RASAL2: variants seen among roughly 807,000 people sequenced by gnomAD.
RASAL2 encodes the protein ras GTPase-activating protein nGAP.
RASAL2 carries 58 observed loss-of-function variants against 128.9 expected under a neutral mutation model. The observed-to-expected ratio is 0.45, with a 90% CI of 0.36 to 0.56. The LOEUF is 0.56. RASAL2 is among the 20% of genes least tolerant of loss of function. The pLI, the probability that RASAL2 is intolerant of heterozygous loss-of-function variation, is 0.00. For missense variants in RASAL2, 1,360 were observed against 1,601.6 expected (o/e 0.85, Z 2.57); for synonymous variants, 561 against 580.8 (o/e 0.97, Z 0.49).
rs560583629 is a variant in RASAL2 at position 178,347,591 on chromosome 1, G to A, written c.458-42509G>A. Among the ~76,000 whole-genome samples, 3 of 152,162 alleles carry A rather than the reference G, an allele frequency of 2.0e-5. No individual in the cohort carries two copies. In the East Asian group the frequency reaches 5.8e-4, roughly 29 times the overall value. ...AGCTATTGTTAGTCATCAGGGAAATGCAAATTTAAACCAAAATAGGATTAC... is the reference window on the plus strand; with the variant it reads ...AGCTATTGTTAGTCATCAGGGAAATACAAATTTAAACCAAAATAGGATTAC... On this transcript the variant is annotated intron_variant, in intron 3 of 17. Transcript: ENST00000367649.
chr1:178,379,969 C>T (rs1324571418), intron 3 of RASAL2, among the ~76,000 whole-genome samples: 1 of 152,220 alleles, frequency 6.6e-6, no homozygotes, highest in East Asian at 1.9e-4. Flanking sequence ...TCTTCCACCT[C>T]AGCGCCTTGC....
intron 1 of RASAL2, among the ~76,000 whole-genome samples, chr1:178,125,917 A>G (rs1009495369): frequency 1.3e-5 from 2 of 152,192 alleles, no homozygotes; most frequent in Non-Finnish European, 1.5e-5. Flanking sequence ...TTTTTGGCCA[A>G]TTGGCAGATA....
intron 7 of RASAL2, 140 bp from the exon 8 acceptor site, chr1:178,442,535 A>G: frequency 1.6e-6 from 1 of 641,508 alleles, no homozygotes; most frequent in Admixed American, 3.0e-5. Context: ...CTGTTAACCT[A>G]AGCAATGAGA....
intron 3 of RASAL2, chr1:178,372,088 G>T: frequency 1.2e-6 from 1 of 846,218 alleles, no homozygotes; most frequent in Non-Finnish European, 1.4e-6. Flanking sequence ...ACAGAATTCA[G>T]AGTGGAGGGA....
chr1:178,375,830 G>A (rs988479231), intron 3 of RASAL2, among the ~76,000 whole-genome samples: 11 of 152,110 alleles, frequency 7.2e-5, no homozygotes, highest in African/African-American at 2.7e-4. Context: ...GAAGATGGGA[G>A]TTCTGTTTAG....
At chr1:178,393,647 GT>G (rs912416792) in intron 4 of RASAL2, among the ~76,000 whole-genome samples, 3 of 152,180 alleles carry the variant, frequency 2.0e-5, no homozygotes, top group Non-Finnish European at 4.4e-5. Flanking sequence ...CTATAGGAGA[GT>G]TTCTTCCTTC....
At chr1:178,218,511 A>G (rs1571648343) in intron 1 of RASAL2, among the ~76,000 whole-genome samples, 1 of 152,118 alleles carries the variant, frequency 6.6e-6, no homozygotes, top group Admixed American at 6.6e-5. Context: ...ACATGGTGAA[A>G]CCCCTTCTCT....
intron 3 of RASAL2, among the ~76,000 whole-genome samples, chr1:178,351,500 G>A (rs1046995838): frequency 2.0e-5 from 3 of 152,140 alleles, no homozygotes; most frequent in Admixed American, 2.0e-4. Context: ...GGGAGGCCAA[G>A]GTGGGCGGAT....
chr1:178,233,272 A>T (rs1192576362), intron 1 of RASAL2, among the ~76,000 whole-genome samples: 1 of 152,226 alleles, frequency 6.6e-6, no homozygotes, highest in African/African-American at 2.4e-5. Context: ...AGAGACTGTT[A>T]AAGACTGGAG....
chr1:178,333,760 A>C (rs1044760824), intron 3 of RASAL2, among the ~76,000 whole-genome samples: 2 of 152,248 alleles, frequency 1.3e-5, no homozygotes, highest in Non-Finnish European at 2.9e-5. Flanking sequence ...ATTCTTGACT[A>C]TACTAAAAAA....
At chr1:178,197,504 G>C (rs1662700259) in intron 1 of RASAL2, among the ~76,000 whole-genome samples, 1 of 151,608 alleles carries the variant, frequency 6.6e-6, no homozygotes, top group South Asian at 2.1e-4. Context: ...AGCTACTCGG[G>C]AGGCTGAGGC....
chr1:178,396,870 T>C (rs1673269430), intron 4 of RASAL2, among the ~76,000 whole-genome samples: 1 of 148,562 alleles, frequency 6.7e-6, no homozygotes, highest in Admixed American at 6.7e-5. Flanking sequence ...TAGATGTTTC[T>C]CCAAAGAAAA....
At chr1:178,295,129 A>G (rs1667433544) in intron 2 of RASAL2, among the ~76,000 whole-genome samples, 1 of 152,132 alleles carries the variant, frequency 6.6e-6, no homozygotes, top group Non-Finnish European at 1.5e-5. Flanking sequence ...ACTGGTAGCC[A>G]AGGACTAATA....
intron 3 of RASAL2, among the ~76,000 whole-genome samples, chr1:178,321,170 A>C (rs1279267970): frequency 6.6e-6 from 1 of 151,790 alleles, no homozygotes; most frequent in Non-Finnish European, 1.5e-5. Context: ...TGCAACCTCC[A>C]CCTCCCGGGT....
At chr1:178,191,811 A>G (rs1433934886) in intron 1 of RASAL2, among the ~76,000 whole-genome samples, 1 of 152,228 alleles carries the variant, frequency 6.6e-6, no homozygotes, top group Non-Finnish European at 1.5e-5. Context: ...CACACAGACA[A>G]TAAGTAAATG....
In RASAL2 at chr1:178,410,622, C is replaced by A. The variant is rs148249000; in HGVS notation, c.565-9889C>A. ...GGAGAAAAATGTTCACAAACTGCAT[C>A]TGCCAAAGGACTAATATCCAGAATC... is the stretch of plus-strand genomic sequence containing the variant. On this transcript the variant is annotated intron_variant, in intron 4 of 17. Transcript: ENST00000367649. 3.1e-3 allele frequency among the ~76,000 whole-genome samples: 478 copies of A among 152,072 alleles called. 2 individuals are homozygous for A. Among genetic ancestry groups the A allele is most frequent in the African/African-American group, 0.011 (455 of 41,480 alleles).
At chr1:178,112,455 C>A (rs920188584) in intron 1 of RASAL2, among the ~76,000 whole-genome samples, 1 of 151,846 alleles carries the variant, frequency 6.6e-6, no homozygotes, top group Non-Finnish European at 1.5e-5. Context: ...GAGGCTGAGG[C>A]AGGAGAATTG....
chr1:178,284,243 G>A (rs894968186), intron 2 of RASAL2, among the ~76,000 whole-genome samples: 5 of 152,176 alleles, frequency 3.3e-5, no homozygotes, highest in African/African-American at 1.2e-4. Context: ...CTGCTTGACA[G>A]TTGCTGTGGT....
intron 1 of RASAL2, among the ~76,000 whole-genome samples, chr1:178,157,753 C>T (rs1261538468): frequency 6.6e-6 from 1 of 152,166 alleles, no homozygotes; most frequent in African/African-American, 2.4e-5. Flanking sequence ...CCTTCAAGTG[C>T]ATCTTTGGAA....
Sources: allele counts gnomAD v4.1 joint callset (sites outside exome capture counted in the v4.1 genomes callset), GRCh38; gene constraint gnomAD v4.1.1; transcripts MANE v1.5; gene names NCBI Gene and HGNC (gene_info 2026-07-23, HGNC 2026-07-21).